Variants in ERBB2 observed in about 807,000 individuals in gnomAD.
ERBB2 encodes receptor tyrosine-protein kinase erbB-2.
Under a neutral mutation model 149.0 loss-of-function variants are expected in ERBB2, and 61 were observed. That is an observed-to-expected ratio of 0.41 (90% CI 0.33 to 0.51). The LOEUF (loss-of-function observed/expected upper bound fraction) is 0.51, where lower values mean the gene tolerates loss of function less well. Among genes scored for constraint, ERBB2 ranks in the 20% least tolerant of loss-of-function variants. ERBB2 has a pLI of 0.25. For synonymous variants in ERBB2, 633 were observed against 678.8 expected (o/e 0.93, Z 1.05); for missense variants, 1,205 against 1,655.1 (o/e 0.73, Z 4.72).
In ERBB2 at chr17:39,713,754, A is replaced by C. The variant is rs55676939; in HGVS notation, c.1148+1306A>C. On this transcript the variant is annotated intron_variant, in intron 9 of 26. Transcript: ENST00000269571. Reference sequence around the variant, plus strand: ...GGCGACAGAGTGAGACCCTGTCTCAAAAAGAAAAAAAAAAAAAAGGGTCAG... The same window carrying C: ...GGCGACAGAGTGAGACCCTGTCTCACAAAGAAAAAAAAAAAAAAGGGTCAG... Among the ~76,000 whole-genome samples the C allele has an allele frequency of 9.0e-3, 1,281 of 141,980 alleles. 8 individuals carry two copies. Among genetic ancestry groups the C allele is most frequent in the Non-Finnish European group, 0.016 (1,041 of 67,160 alleles). 93.1% of individuals were successfully genotyped at this position (141,980 alleles called of 152,430 possible).
At chr17:39,717,846 C>T (rs2059231616) in intron 15 of ERBB2, among the ~76,000 whole-genome samples, 1 of 152,024 alleles carries the variant, frequency 6.6e-6, no homozygotes, top group Admixed American at 6.6e-5. Flanking sequence ...CGGAGTTTCA[C>T]TCTGTCGCCC....
In ERBB2 at chr17:39,700,253, C is replaced by G. The variant is rs1160835488; in HGVS notation, c.15C>G (p.Ala5=). 7 of 1,443,762 alleles carry G rather than the reference C, an allele frequency of 4.8e-6. No individual in the cohort carries two copies. In the Admixed American group the frequency reaches 1.5e-4, roughly 32 times the overall value. 89.4% of individuals were successfully genotyped at this position (1,443,762 alleles called of 1,614,324 possible). A position where few individuals can be genotyped will look rare whatever the true frequency, so the allele number is the denominator to read the frequency against. Residue 5 remains alanine, a synonymous_variant, in exon 1 of 27, where the codon GCC becomes GCG. Coordinates refer to ENST00000269571, the MANE Select transcript of ERBB2 (RefSeq NM_004448.4). The stretch of plus-strand genomic sequence containing the variant: ...CAGTGAGCACCATGGAGCTGGCGGC[C>G]TTGTGCCGCTGGGGGCTCCTCCTCG... MELA[A]LCRWGLLLAL... is the part of the protein sequence containing the mutation.
At chr17:39,708,907 G>GA (rs2058627721) in intron 3 of ERBB2, among the ~76,000 whole-genome samples, 1 of 152,114 alleles carries the variant, frequency 6.6e-6, no homozygotes, top group African/African-American at 2.4e-5. Context: ...GTCCTGTCAG[G>GA]AAAAAATCAG....
At chr17:39,706,834 A>C in intron 1 of ERBB2, 156 bp from the exon 2 acceptor site, 1 of 558,820 alleles carries the variant, frequency 1.8e-6, no homozygotes, top group Non-Finnish European at 2.8e-6. Context: ...TCCTGCTGTT[A>C]AACCTGCAGT....
chr17:39,727,084 T>C lies in ERBB2; in HGVS notation c.3159+81T>C. On this transcript the variant is annotated intron_variant, in intron 25 of 26. Coordinates refer to ENST00000269571, the MANE Select transcript of ERBB2 (RefSeq NM_004448.4). The surrounding 1 kb of genome is among the most constrained non-coding windows in gnomAD (Gnocchi z 4.3). ...GGACTAGGGTCCCTTTCTCTGATGT[T>C]CCCTCAACTGTCACCTCTCAAGGAA... is the stretch of plus-strand genomic sequence containing the variant. 7.4e-7 allele frequency: 1 copy of C among 1,359,006 alleles called. No individual in the cohort carries two copies. The highest frequency in any genetic ancestry group is 1.0e-6 in the Non-Finnish European group (1 of 996,924). 84.2% of individuals were successfully genotyped at this position (1,359,006 alleles called of 1,614,324 possible).
Position 39,726,289 on chromosome 17 carries a change from C to T in ERBB2, c.2873-273C>T. On this transcript the variant is annotated intron_variant, in intron 23 of 26. Transcript: ENST00000269571. This position sits in a 1 kb window ranked among gnomAD's most constrained non-coding sequence, Gnocchi z 5.1. ...TTAAGGTTGCAGTAAGCTATGATTG[C>T]ACCACTGAAATCCAGCCTGGGTGAC... 2.0e-6 allele frequency: 1 copy of T among 497,184 alleles called. No individual in the cohort carries two copies. Among genetic ancestry groups the T allele is most frequent in the Non-Finnish European group, 3.6e-6 (1 of 275,400 alleles). 30.8% of individuals were successfully genotyped at this position (497,184 alleles called of 1,614,324 possible).
At chr17:39,700,048 T>TA, upstream of ERBB2, 1 of 1,264,270 alleles carries the variant, frequency 7.9e-7, no homozygotes, top group Non-Finnish European at 9.9e-7. Flanking sequence ...AAGAATGAAG[T>TA]TGTGAAGCTG....
At chr17:39,715,226 T>G (rs1597872240) in intron 9 of ERBB2, 60 bp from the exon 10 acceptor site, 2 of 1,427,564 alleles carry the variant, frequency 1.4e-6, no homozygotes, top group Non-Finnish European at 2.0e-6. Context: ...GCATGGCCAG[T>G]GCTGGGAGTG....
chr17:39,723,346 G>A lies in ERBB2; in HGVS notation c.1974G>A (p.Val658=), dbSNP rs2145803039. Reference sequence around the variant, plus strand: ...CTCTGACGTCCATCATCTCTGCGGTGGTTGGCATTCTGCTGGTCGTGGTCT... The same window carrying A: ...CTCTGACGTCCATCATCTCTGCGGTAGTTGGCATTCTGCTGGTCGTGGTCT... ...ASPLTSIISA[V]VGILLVVVLG... Residue 658 remains valine, a synonymous_variant, in exon 17 of 27, where the codon GTG becomes GTA. Transcript: ENST00000269571. The surrounding 1 kb of genome is among the most constrained non-coding windows in gnomAD (Gnocchi z 6.2). The A allele has an allele frequency of 2.5e-6, 4 of 1,614,138 alleles. No individual in the cohort carries two copies. The highest frequency in any genetic ancestry group is 3.4e-6 in the Non-Finnish European group (4 of 1,180,024).
At position 39,707,009 on chromosome 17, in the gene ERBB2, G is replaced by A. The variant is rs546886845; in HGVS notation, c.93G>A (p.Met31Ile). The change falls in exon 2 of 27, where the codon ATG becomes ATA. Residue 31 changes from methionine (M) to isoleucine (I), a missense_variant. Coordinates refer to ENST00000269571, the MANE Select transcript of ERBB2 (RefSeq NM_004448.4). ...ASTQVCTGTD[M>I]KLRLPASPET... ...TGCCAGTGTGCACCGGCACAGACAT[G>A]AAGCTGCGGCTCCCTGCCAGTCCCG... 1 of 1,594,510 alleles carries A rather than the reference G, an allele frequency of 6.3e-7. No homozygotes were observed. Among genetic ancestry groups the A allele is most frequent in the East Asian group, 2.3e-5 (1 of 43,278 alleles).
At chr17:39,709,150 T>TGTG in intron 3 of ERBB2, 168 bp from the exon 4 acceptor site, 6 of 715,804 alleles carry the variant, frequency 8.4e-6, no homozygotes, top group Non-Finnish European at 1.4e-5. Flanking sequence ...TTGTTGCGGG[T>TGTG]GTGGTGGTGG....
chr17:39,727,028 T>A lies in ERBB2; in HGVS notation c.3159+25T>A. On this transcript the variant is annotated intron_variant, in intron 25 of 26. Coordinates refer to ENST00000269571, the MANE Select transcript of ERBB2 (RefSeq NM_004448.4). This position sits in a 1 kb window ranked among gnomAD's most constrained non-coding sequence, Gnocchi z 4.3. ...GGTCAGTGCCCTCGGTCACACTGTG[T>A]GGCTGTCTGCTTACCTCCCCCAACC... is the stretch of plus-strand genomic sequence containing the variant. 6.4e-7 allele frequency: 1 copy of A among 1,552,322 alleles called. No individual in the cohort carries two copies. Among genetic ancestry groups the A allele is most frequent in the Non-Finnish European group, 8.7e-7 (1 of 1,151,770 alleles).
At chr17:39,704,950 G>A (rs2058339974) in intron 1 of ERBB2, among the ~76,000 whole-genome samples, 1 of 152,146 alleles carries the variant, frequency 6.6e-6, no homozygotes, top group Non-Finnish European at 1.5e-5. Context: ...GTGTGGGGTG[G>A]ATTTGTGTGT....
At position 39,712,395 on chromosome 17, in the gene ERBB2, T is replaced by C; in HGVS notation, c.1095T>C (p.Ala365=). 6.2e-7 allele frequency: 1 copy of C among 1,614,082 alleles called. No individual in the cohort carries two copies. The highest frequency in any genetic ancestry group is 8.5e-7 in the Non-Finnish European group (1 of 1,179,988). The part of the protein sequence containing the change: ...AVTSANIQEF[A]GCKKIFGSLA... ...CCAGTGCCAATATCCAGGAGTTTGC[T>C]GGCTGCAAGAAGATCTTTGGGAGCC... Residue 365 remains alanine (A), a synonymous_variant, in exon 9 of 27, where the codon GCT becomes GCC. Coordinates refer to ENST00000269571, the MANE Select transcript of ERBB2 (RefSeq NM_004448.4).
upstream of ERBB2, among the ~76,000 whole-genome samples, chr17:39,692,523 A>T (rs1031588903): frequency 6.6e-6 from 1 of 151,430 alleles, no homozygotes; most frequent in Non-Finnish European, 1.5e-5. Context: ...CTGCTGCCTC[A>T]GCCTCCTGAG....
rs2143304296 is a variant in ERBB2 at position 39,727,855 on chromosome 17, C to T, written c.3579C>T (p.Asn1193=). The T allele has an allele frequency of 6.2e-7, 1 of 1,614,076 alleles. No homozygotes were observed. The change falls in exon 27 of 27, where the codon AAC becomes AAT. Residue 1193 remains asparagine (N), a synonymous_variant. Coordinates refer to ENST00000269571, the MANE Select transcript of ERBB2 (RefSeq NM_004448.4). This position sits in a 1 kb window ranked among gnomAD's most constrained non-coding sequence, Gnocchi z 4.3. ...DVFAFGGAVE[N]PEYLTPQGGA... is the part of the protein sequence containing the mutation. ...TTGCCTTTGGGGGTGCCGTGGAGAA[C>T]CCCGAGTACTTGACACCCCAGGGAG...
At position 39,728,635 on chromosome 17, in the gene ERBB2, T is replaced by C. The variant is rs4252661; in HGVS notation, c.*591T>C. 5,653 of 233,176 alleles carry C rather than the reference T, an allele frequency of 0.024. 180 individuals carry two copies. Among genetic ancestry groups the C allele is most frequent in the African/African-American group, 0.084 (3,809 of 45,410 alleles). 14.4% of individuals were successfully genotyped at this position (233,176 alleles called of 1,614,324 possible). A position where few individuals can be genotyped will look rare whatever the true frequency, so the allele number is the denominator to read the frequency against. On this transcript the variant is annotated 3_prime_UTR_variant, in exon 27 of 27. Coordinates refer to ENST00000269571, the MANE Select transcript of ERBB2 (RefSeq NM_004448.4). The stretch of plus-strand genomic sequence containing the variant: ...TCCTTCTCCACACCCACTTTGTCCA[T>C]TTGCAAATATATTTTGGAAAACAGC...
At chr17:39,689,532 G>A (rs901533851) in intron 2 of ERBB2, among the ~76,000 whole-genome samples, 9 of 150,960 alleles carry the variant, frequency 6.0e-5, no homozygotes, top group Admixed American at 5.9e-4. Context: ...GTCTTTTTAT[G>A]AGGATCCTCA....
chr17:39,710,681 A>G (rs2058744051), intron 7 of ERBB2, among the ~76,000 whole-genome samples, 200 bp downstream of exon 7: 1 of 152,242 alleles, frequency 6.6e-6, no homozygotes, highest in Non-Finnish European at 1.5e-5. Flanking sequence ...CTTGGGAGCC[A>G]GACTGCCTGG....
Sources: allele counts gnomAD v4.1 joint callset (sites outside exome capture counted in the v4.1 genomes callset), GRCh38; gene constraint gnomAD v4.1.1; non-coding constraint Gnocchi (gnomAD v3.1); transcripts MANE v1.5; gene names NCBI Gene and HGNC (gene_info 2026-07-23, HGNC 2026-07-21).